The following RORA variants were observed in gnomAD, a reference collection of about 807,000 sequenced individuals.
RORA encodes the protein nuclear receptor ROR-alpha.
A neutral mutation model predicts 69.5 loss-of-function variants in RORA; 7 were observed. The observed-to-expected ratio is 0.10, with a 90% CI of 0.06 to 0.19. The LOEUF (loss-of-function observed/expected upper bound fraction) is 0.19, where lower values mean the gene tolerates loss of function less well. RORA is among the 10% of genes least tolerant of loss of function. RORA has a pLI of 1.00. For missense variants in RORA, 457 were observed against 663.0 expected (o/e 0.69, Z 3.41); for synonymous variants, 261 against 240.8 (o/e 1.08, Z -0.78).
chr15:60,687,099 C>T (rs1280099820), intron 1 of RORA, among the ~76,000 whole-genome samples: 3 of 152,124 alleles, frequency 2.0e-5, no homozygotes, highest in Non-Finnish European at 2.9e-5. Context: ...TCACTCATGT[C>T]TTGAATCACC....
At chr15:60,536,080 CAA>C (rs1426970182) in intron 2 of RORA, among the ~76,000 whole-genome samples, 1 of 152,168 alleles carries the variant, frequency 6.6e-6, no homozygotes, top group Non-Finnish European at 1.5e-5. Flanking sequence ...CTCAGTTTCA[CAA>C]AATTCTGGTT....
At chr15:60,655,464 G>A (rs2070206864) in intron 2 of RORA, among the ~76,000 whole-genome samples, 1 of 152,086 alleles carries the variant, frequency 6.6e-6, no homozygotes, top group African/African-American at 2.4e-5. Context: ...GTGTTTCCAG[G>A]GACTCAAAGC....
At chr15:61,170,000 G>A (rs1386062526) in intron 1 of RORA, among the ~76,000 whole-genome samples, 1 of 152,182 alleles carries the variant, frequency 6.6e-6, no homozygotes, top group East Asian at 1.9e-4. Flanking sequence ...TTCTAAGCGT[G>A]TGTACTAGAA....
chr15:61,145,174 A>G (rs1204943476), intron 1 of RORA, among the ~76,000 whole-genome samples: 1 of 152,224 alleles, frequency 6.6e-6, no homozygotes, highest in Non-Finnish European at 1.5e-5. Flanking sequence ...AGATGTATTT[A>G]TCTTATGCAT....
intron 2 of RORA, among the ~76,000 whole-genome samples, chr15:60,637,446 T>G (rs1243392611): frequency 6.6e-6 from 1 of 152,176 alleles, no homozygotes. Context: ...TTCTCTATAT[T>G]TCAATGTATT....
intron 1 of RORA, among the ~76,000 whole-genome samples, chr15:61,211,298 A>AT (rs1567039348): frequency 4.8e-4 from 55 of 115,460 alleles, no homozygotes; most frequent in East Asian, 3.0e-3. Context: ...AAAAAAAAAA[A>AT]AAAAAGGATC....
intron 1 of RORA, among the ~76,000 whole-genome samples, chr15:60,810,615 G>C (rs1418311543): frequency 2.0e-5 from 3 of 151,484 alleles, no homozygotes; most frequent in Non-Finnish European, 2.9e-5. Context: ...TATTATTTTT[G>C]AGTATTCCTT....
intron 1 of RORA, among the ~76,000 whole-genome samples, chr15:61,145,890 GA>G (rs2079342107): frequency 6.6e-6 from 1 of 152,124 alleles, no homozygotes; most frequent in African/African-American, 2.4e-5. Context: ...CCCATTATAT[GA>G]ATCCCACAGA....
intron 1 of RORA, among the ~76,000 whole-genome samples, chr15:61,012,749 A>C (rs1895128615): frequency 6.6e-6 from 1 of 152,146 alleles, no homozygotes; most frequent in African/African-American, 2.4e-5. Flanking sequence ...TCCAGGGCTC[A>C]AGCAATCCTT....
At chr15:60,897,605 G>C (rs1455961062) in intron 1 of RORA, among the ~76,000 whole-genome samples, 1 of 152,196 alleles carries the variant, frequency 6.6e-6, no homozygotes, top group Non-Finnish European at 1.5e-5. Flanking sequence ...ACATCCACTG[G>C]ATAGATGCCC....
At chr15:60,844,741 A>T (rs1239278113) in intron 1 of RORA, among the ~76,000 whole-genome samples, 1 of 152,232 alleles carries the variant, frequency 6.6e-6, no homozygotes, top group Non-Finnish European at 1.5e-5. Context: ...GACATGAAAA[A>T]GTAAGACTAA....
chr15:60,877,383 G>A (rs1282789725), intron 1 of RORA, among the ~76,000 whole-genome samples: 2 of 152,162 alleles, frequency 1.3e-5, no homozygotes, highest in African/African-American at 4.8e-5. Context: ...TATTTTATAA[G>A]AATACAGTAA....
intron 1 of RORA, among the ~76,000 whole-genome samples, chr15:60,809,505 T>A (rs540728193): frequency 6.6e-5 from 10 of 152,368 alleles, no homozygotes; most frequent in Non-Finnish European, 1.5e-4. Context: ...TTTACCTCCA[T>A]ATCTCGAAAT....
chr15:60,838,860 A>G (rs1214373208), intron 1 of RORA, among the ~76,000 whole-genome samples: 1 of 83,728 alleles, frequency 1.2e-5, no homozygotes, highest in Non-Finnish European at 2.9e-5. Flanking sequence ...ACACACACAC[A>G]CACACACACA....
In RORA at chr15:60,504,679, T is replaced by C. The variant is rs190704298; in HGVS notation, c.942+829A>G. ...CTTGCTTCTCCTTTGTAGCTTTGGC[T>C]GCTGGCATTACCTGCTACCTCAAAG... On this transcript the variant is annotated intron_variant, in intron 6 of 10. Transcript: ENST00000335670. Among the ~76,000 whole-genome samples the C allele has an allele frequency of 6.6e-5, 10 of 152,368 alleles. 1 individual carries two copies. Among genetic ancestry groups the C allele is most frequent in the Admixed American group, 6.5e-4 (10 of 15,304 alleles).
intron 1 of RORA, among the ~76,000 whole-genome samples, chr15:61,186,319 C>G (rs990219962): frequency 6.6e-6 from 1 of 152,090 alleles, no homozygotes; most frequent in African/African-American, 2.4e-5. Context: ...TGATGTGCAT[C>G]AGAACCACCT....
chr15:60,896,669 T>TTCTACATAATATTTAATATTCTACA (rs1043248544), intron 1 of RORA, among the ~76,000 whole-genome samples: 1 of 151,922 alleles, frequency 6.6e-6, no homozygotes, highest in African/African-American at 2.4e-5. Context: ...CCTTTTAATA[T>TTCTACATAATATTTAATATTCTACA]TAAATTATTC....
chr15:61,119,269 G>A (rs1159083386), intron 1 of RORA, among the ~76,000 whole-genome samples: 2 of 151,784 alleles, frequency 1.3e-5, no homozygotes, highest in Admixed American at 1.3e-4. Flanking sequence ...TGCAATCTTG[G>A]CTCACTGCAA....
At chr15:60,585,095 T>A in intron 2 of RORA, among the ~76,000 whole-genome samples, 1 of 152,328 alleles carries the variant, frequency 6.6e-6, no homozygotes, top group South Asian at 2.1e-4. Context: ...AGCTTTGACT[T>A]CTTCAGCAAT....
Sources: gnomAD v4.1 joint callset for allele counts (sites outside exome capture counted in the v4.1 genomes callset) on GRCh38, gnomAD v4.1.1 for gene constraint, MANE v1.5 for transcripts, NCBI Gene and HGNC (gene_info 2026-07-23, HGNC 2026-07-21) for gene names.